TMEM135: variants seen among roughly 807,000 people sequenced by gnomAD.
The protein encoded by TMEM135 is peroxisomal membrane protein 52.
Under a neutral mutation model 60.3 loss-of-function variants are expected in TMEM135, and 30 were observed. That is an observed-to-expected ratio of 0.50 (90% CI 0.37 to 0.68). The LOEUF (loss-of-function observed/expected upper bound fraction) is 0.68. Ranked by LOEUF, TMEM135 falls within the 30% of genes least tolerant of loss-of-function variation. TMEM135 has a pLI of 0.00. For synonymous variants in TMEM135, 190 were observed against 186.7 expected (o/e 1.02, Z -0.14); for missense variants, 468 against 548.8 (o/e 0.85, Z 1.47).
intron 9 of TMEM135, among the ~76,000 whole-genome samples, chr11:87,306,735 T>G (rs1942550508): frequency 6.6e-6 from 1 of 152,198 alleles, no homozygotes; most frequent in Non-Finnish European, 1.5e-5. Flanking sequence ...CTTTTTTTGT[T>G]AAAGACAGAG....
chr11:87,099,544 C>G (rs1265922399), intron 4 of TMEM135, among the ~76,000 whole-genome samples: 1 of 152,016 alleles, frequency 6.6e-6, no homozygotes, highest in Non-Finnish European at 1.5e-5. Flanking sequence ...CTCCTTAACC[C>G]CTGTTCATGG....
At chr11:87,114,177 A>G (rs139606384) in intron 4 of TMEM135, among the ~76,000 whole-genome samples, 4 of 152,226 alleles carry the variant, frequency 2.6e-5, no homozygotes, top group African/African-American at 7.2e-5. Context: ...TACTCCAGCA[A>G]AATAAAAAGG....
At chr11:87,125,840 C>T (rs567543) in intron 4 of TMEM135, among the ~76,000 whole-genome samples, 106,532 of 152,114 alleles carry the variant, frequency 0.7, 37,704 homozygotes, top group East Asian at 0.91. Flanking sequence ...AATTTACATA[C>T]AAATGTTTTA....
intron 4 of TMEM135, among the ~76,000 whole-genome samples, chr11:87,127,586 A>T (rs1937772261): frequency 6.6e-6 from 1 of 152,234 alleles, no homozygotes; most frequent in Non-Finnish European, 1.5e-5. Context: ...ATTAAATTAT[A>T]TAAATTCAAA....
At chr11:87,261,711 G>A (rs868060539) in intron 6 of TMEM135, among the ~76,000 whole-genome samples, 6 of 151,940 alleles carry the variant, frequency 3.9e-5, no homozygotes, top group Non-Finnish European at 5.9e-5. Flanking sequence ...AGCCTCAAAC[G>A]TCTGGCCTTA....
At chr11:87,248,445 A>T (rs1489292631) in intron 6 of TMEM135, among the ~76,000 whole-genome samples, 1 of 152,144 alleles carries the variant, frequency 6.6e-6, no homozygotes, top group East Asian at 1.9e-4. Flanking sequence ...CATTTCTCTG[A>T]TGATCAGTGA....
At chr11:87,313,540 A>T (rs778005852) in intron 11 of TMEM135, 52 bp downstream of exon 11, 1 of 1,427,710 alleles carries the variant, frequency 7.0e-7, no homozygotes, top group African/African-American at 1.4e-5. Flanking sequence ...CAGTGGTAGG[A>T]ATGAATTGGA....
At chr11:87,087,421 T>C (rs1857119839) in intron 3 of TMEM135, among the ~76,000 whole-genome samples, 1 of 151,914 alleles carries the variant, frequency 6.6e-6, no homozygotes, top group South Asian at 2.1e-4. Flanking sequence ...ATTTTCTTTC[T>C]TCTTAGCTGC....
chr11:87,193,210 A>G (rs911150999), intron 5 of TMEM135, among the ~76,000 whole-genome samples: 2 of 152,198 alleles, frequency 1.3e-5, no homozygotes, highest in Non-Finnish European at 2.9e-5. Context: ...GAGTGGAGAC[A>G]ACAAGGTACC....
chr11:87,147,138 A>G (rs533963951), intron 4 of TMEM135, among the ~76,000 whole-genome samples: 1 of 152,256 alleles, frequency 6.6e-6, no homozygotes, highest in African/African-American at 2.4e-5. Flanking sequence ...CCTGGCCAAC[A>G]TGGCGAAACC....
chr11:87,128,315 A>G (rs903193415), intron 4 of TMEM135, among the ~76,000 whole-genome samples: 4 of 152,152 alleles, frequency 2.6e-5, no homozygotes, highest in Non-Finnish European at 5.9e-5. Flanking sequence ...ATTTGCTTCA[A>G]ATCTCTTACT....
chr11:87,072,083 C>T (rs1856782776), intron 3 of TMEM135, among the ~76,000 whole-genome samples: 2 of 152,270 alleles, frequency 1.3e-5, no homozygotes, highest in South Asian at 2.1e-4. Context: ...GTCCCTGCTA[C>T]TCAGGAAGCT....
At chr11:87,067,178 TAC>T (rs1206697384) in intron 1 of TMEM135, among the ~76,000 whole-genome samples, 5 of 147,190 alleles carry the variant, frequency 3.4e-5, no homozygotes, top group Admixed American at 2.7e-4. Flanking sequence ...TATATATATA[TAC>T]ACACACTATG....
rs1376260596 is a variant in TMEM135, at chr11:87,243,674, G to C, written c.509+6990G>C. Among the ~76,000 whole-genome samples, 6 of 81,750 alleles carry C rather than the reference G, an allele frequency of 7.3e-5. 2 individuals are homozygous for C. Among genetic ancestry groups the C allele is most frequent in the African/African-American group, 2.8e-4 (6 of 21,784 alleles). 53.6% of individuals were successfully genotyped at this position (81,750 alleles called of 152,430 possible). A position where few individuals can be genotyped will look rare whatever the true frequency, so the allele number is the denominator to read the frequency against. On this transcript the variant is annotated intron_variant, in intron 6 of 14. Transcript: ENST00000305494. ...CTGTTTGTCTGTTATTTGTGTATAAGAATGCTTGTGATTTTTGTACATTGA... is the reference window on the plus strand; with the variant it reads ...CTGTTTGTCTGTTATTTGTGTATAACAATGCTTGTGATTTTTGTACATTGA...
intron 6 of TMEM135, among the ~76,000 whole-genome samples, chr11:87,290,215 C>T (rs1942241214): frequency 6.6e-6 from 1 of 152,068 alleles, no homozygotes; most frequent in Non-Finnish European, 1.5e-5. Flanking sequence ...CATAATGAAG[C>T]AGCACATTTA....
intron 6 of TMEM135, among the ~76,000 whole-genome samples, chr11:87,265,169 A>G (rs1304570190): frequency 6.6e-6 from 1 of 152,010 alleles, no homozygotes; most frequent in African/African-American, 2.4e-5. Flanking sequence ...ATAATATTTA[A>G]TGCTCATTTT....
intron 4 of TMEM135, among the ~76,000 whole-genome samples, chr11:87,102,119 T>C (rs975774378): frequency 6.6e-6 from 1 of 152,262 alleles, no homozygotes; most frequent in African/African-American, 2.4e-5. Flanking sequence ...AATTTAATTC[T>C]AATACTGTCT....
intron 5 of TMEM135, among the ~76,000 whole-genome samples, chr11:87,166,009 T>G (rs4604911): frequency 6.7e-6 from 1 of 149,576 alleles, no homozygotes; most frequent in South Asian, 2.1e-4. Flanking sequence ...ATAAATTCCT[T>G]GACACATACA....
rs1243413552 is a variant in TMEM135, at chr11:87,172,861, TA to T, written c.462+15458del. Among the ~76,000 whole-genome samples, 6 of 152,044 alleles carry T rather than the reference TA, an allele frequency of 3.9e-5. No individual in the cohort carries two copies. In the East Asian group the frequency reaches 1.2e-3, roughly 29 times the overall value. ...TTTTTCATGAAGAATATTCGTGAATTAAATAATTAAATAATATTTAAAGAAT... is the reference window on the plus strand; with the variant it reads ...TTTTTCATGAAGAATATTCGTGAATTAATAATTAAATAATATTTAAAGAAT... On this transcript the variant is annotated intron_variant, in intron 5 of 14. Transcript: ENST00000305494.
Sources: allele counts gnomAD v4.1 joint callset (sites outside exome capture counted in the v4.1 genomes callset), GRCh38; gene constraint gnomAD v4.1.1; transcripts MANE v1.5; gene names NCBI Gene and HGNC (gene_info 2026-07-23, HGNC 2026-07-21).